The following LRBA variants were observed in gnomAD, a reference collection of about 807,000 sequenced individuals.
LRBA encodes LPS responsive beige-like anchor protein.
LRBA carries 176 observed loss-of-function variants against 330.0 expected under a neutral mutation model. The observed-to-expected ratio is 0.53, with a 90% CI of 0.47 to 0.60. The LOEUF is 0.60. Ranked by LOEUF, LRBA falls within the 20% of genes least tolerant of loss-of-function variation. The pLI, the probability that LRBA is intolerant of heterozygous loss-of-function variation, is 0.00. For synonymous variants in LRBA, 1,230 were observed against 1,193.0 expected, an observed-to-expected ratio of 1.03 and a Z score of -0.64; for missense variants, 3,259 against 3,444.8, an observed-to-expected ratio of 0.95 and a Z score of 1.35.
intron 2 of LRBA, among the ~76,000 whole-genome samples, chr4:151,003,251 G>A (rs72963651): frequency 0.054 from 8,161 of 151,864 alleles, 662 homozygotes; most frequent in African/African-American, 0.18. Flanking sequence ...AAAAAAATTA[G>A]TCAGGCATGG....
chr4:150,582,760 G>A (rs975089507), intron 40 of LRBA: 5 of 407,184 alleles, frequency 1.2e-5, no homozygotes, highest in African/African-American at 2.0e-5. Context: ...AAGCAAAAAG[G>A]TTCCAAGAGG....
In LRBA at chr4:150,928,866, C is replaced by G. The variant is rs145746139; in HGVS notation, c.416G>C (p.Gly139Ala). The change falls in exon 3 of 57, where the codon GGG becomes GCG. Residue 139 changes from glycine (G) to alanine (A), a missense_variant. Physicochemically the swap from Gly to Ala is moderately conservative, Grantham distance 60 (BLOSUM62 0). Transcript: ENST00000651943. ...TEVGLVEKVL[G>A]KIEKVDNMIA... ...CATATTGTCAACTTTTTCAATTTTC[C>G]CAAGCACTTTTTCAACAAGGCCTAC... 6.2e-7 allele frequency: 1 copy of G among 1,613,718 alleles called. No homozygotes were observed. Among genetic ancestry groups the G allele is most frequent in the East Asian group, 2.2e-5 (1 of 44,856 alleles).
chr4:150,282,076 T>TTCC (rs1747605196), intron 55 of LRBA, among the ~76,000 whole-genome samples: 1 of 152,228 alleles, frequency 6.6e-6, no homozygotes, highest in African/African-American at 2.4e-5. Flanking sequence ...GAATCCAGTT[T>TTCC]TAAGTGTCAT....
chr4:150,823,603 A>G (rs1745788014), intron 30 of LRBA, among the ~76,000 whole-genome samples: 1 of 151,974 alleles, frequency 6.6e-6, no homozygotes, highest in African/African-American at 2.4e-5. Context: ...CAGGTCATAG[A>G]TTTAAGTCTT....
intron 2 of LRBA, among the ~76,000 whole-genome samples, chr4:150,970,123 G>A (rs1056314517): frequency 2.0e-5 from 3 of 152,112 alleles, no homozygotes; most frequent in South Asian, 2.1e-4. Context: ...TCAGATGATC[G>A]TTAGCATTTT....
At chr4:150,278,403 C>A (rs191070038) in intron 55 of LRBA, among the ~76,000 whole-genome samples, 4 of 152,282 alleles carry the variant, frequency 2.6e-5, no homozygotes, top group Middle Eastern at 3.4e-3. Context: ...GACCTTACAT[C>A]CCCTCTAATC....
At chr4:150,716,418 A>G (rs1413920894) in intron 36 of LRBA, among the ~76,000 whole-genome samples, 1 of 152,188 alleles carries the variant, frequency 6.6e-6, no homozygotes, top group African/African-American at 2.4e-5. Flanking sequence ...AGGGTAAAAA[A>G]TAGGTATGAC....
At chr4:150,899,723 CCATCTCAGCAT>C (rs1208174891) in intron 14 of LRBA, among the ~76,000 whole-genome samples, 1 of 152,104 alleles carries the variant, frequency 6.6e-6, no homozygotes, top group Non-Finnish European at 1.5e-5. Context: ...TTGTGACAAT[CCATCTCAGCAT>C]CAATTACTAA....
chr4:150,374,511 T>C (rs1415302543), intron 47 of LRBA, among the ~76,000 whole-genome samples: 1 of 152,162 alleles, frequency 6.6e-6, no homozygotes, highest in East Asian at 1.9e-4. Context: ...CTCTGTACTA[T>C]TACATGAGAG....
Position 150,867,333 on chromosome 4 carries a change from G to A in LRBA, c.2766+338C>T, listed in dbSNP as rs182520345. Among the ~76,000 whole-genome samples, 146 of 151,720 alleles carry A rather than the reference G, an allele frequency of 9.6e-4. 2 individuals carry two copies. Among genetic ancestry groups the A allele is most frequent in the Non-Finnish European group, 1.6e-3 (110 of 67,840 alleles). ...CCATGTTTGTAAACAGGGCTTCCTC[G>A]AAAAAAAATATTAGGTTGGTGCAAA... On this transcript the variant is annotated intron_variant, in intron 22 of 56. Transcript: ENST00000651943.
At chr4:150,977,834 GA>G (rs1579382144) in intron 2 of LRBA, among the ~76,000 whole-genome samples, 1 of 152,240 alleles carries the variant, frequency 6.6e-6, no homozygotes, top group African/African-American at 2.4e-5. Context: ...CAGGAGGGAA[GA>G]GTGGGAAAGA....
chr4:150,649,526 T>C (rs1343913800), intron 37 of LRBA, among the ~76,000 whole-genome samples: 1 of 152,194 alleles, frequency 6.6e-6, no homozygotes, highest in Admixed American at 6.6e-5. Context: ...ATAACTCCTA[T>C]GTCAAGGATT....
intron 41 of LRBA, among the ~76,000 whole-genome samples, chr4:150,489,554 CATAATATATATTATATATAAGAATAT>C (rs1561251857): frequency 1.2e-5 from 1 of 85,016 alleles, no homozygotes; most frequent in Non-Finnish European, 2.1e-5. Context: ...TATAAGAATA[CATAATATATATTATATATAAGAATAT>C]ATAATATATT....
intron 56 of LRBA, among the ~76,000 whole-genome samples, chr4:150,273,941 G>A (rs770825709): frequency 5.9e-5 from 9 of 152,142 alleles, no homozygotes; most frequent in Non-Finnish European, 1.0e-4. Flanking sequence ...CTTGAACTCA[G>A]CTCTGGACCA....
At chr4:150,589,393 TG>T (rs1385116938) in intron 39 of LRBA, among the ~76,000 whole-genome samples, 2 of 152,176 alleles carry the variant, frequency 1.3e-5, no homozygotes, top group Non-Finnish European at 2.9e-5. Context: ...CTATTCCCAA[TG>T]TACAAATACA....
At chr4:150,752,100 T>G (rs1314608015) in intron 35 of LRBA, among the ~76,000 whole-genome samples, 1 of 152,206 alleles carries the variant, frequency 6.6e-6, no homozygotes, top group Admixed American at 6.5e-5. Context: ...TATAGTAATT[T>G]CTTTAGAATT....
At chr4:150,609,940 C>T (rs1439456478) in intron 37 of LRBA, among the ~76,000 whole-genome samples, 1 of 152,098 alleles carries the variant, frequency 6.6e-6, no homozygotes, top group Non-Finnish European at 1.5e-5. Flanking sequence ...TTGGAAGTAA[C>T]TAAGGTCATC....
At chr4:150,651,391 A>T (rs1384760405) in intron 37 of LRBA, among the ~76,000 whole-genome samples, 1 of 152,176 alleles carries the variant, frequency 6.6e-6, no homozygotes, top group Non-Finnish European at 1.5e-5. Context: ...CCTGGCATAG[A>T]TAAGTACTTA....
chr4:150,301,325 C>G (rs1257642308), intron 53 of LRBA, among the ~76,000 whole-genome samples: 1 of 151,868 alleles, frequency 6.6e-6, no homozygotes, highest in African/African-American at 2.4e-5. Flanking sequence ...ACATGTACAC[C>G]TACTCCCCGA....
Sources: allele counts gnomAD v4.1 joint callset (sites outside exome capture counted in the v4.1 genomes callset), GRCh38; gene constraint gnomAD v4.1.1; transcripts MANE v1.5; gene names NCBI Gene and HGNC (gene_info 2026-07-23, HGNC 2026-07-21).